NRXN1: variants seen among roughly 807,000 people sequenced by gnomAD.
NRXN1 encodes neurexin-1.
NRXN1 carries 39 observed loss-of-function variants against 150.9 expected under a neutral mutation model. The observed-to-expected ratio is 0.26, with a 90% CI of 0.20 to 0.34. The LOEUF is 0.34. NRXN1 is among the 10% of genes least tolerant of loss of function. The pLI is 1.00. For missense variants in NRXN1, 1,815 were observed against 1,949.9 expected, an observed-to-expected ratio of 0.93 and a Z score of 1.30; for synonymous variants, 924 against 757.0, an observed-to-expected ratio of 1.22 and a Z score of -3.62.
intron 8 of NRXN1, among the ~76,000 whole-genome samples, chr2:50,590,332 T>C (rs6733430): frequency 0.37 from 56,568 of 152,020 alleles, 10,900 homozygotes; most frequent in East Asian, 0.46. Flanking sequence ...CTGTTTGATG[T>C]AGCTCTATAC....
chr2:50,250,751 T>C (rs2066961542), intron 17 of NRXN1, among the ~76,000 whole-genome samples: 1 of 151,960 alleles, frequency 6.6e-6, no homozygotes, highest in Non-Finnish European at 1.5e-5. Context: ...ATAAATTGTG[T>C]CATTCTATCT....
At chr2:50,323,642 G>C (rs2076195263) in intron 17 of NRXN1, among the ~76,000 whole-genome samples, 1 of 151,554 alleles carries the variant, frequency 6.6e-6, no homozygotes, top group African/African-American at 2.4e-5. Context: ...TCAATACTCT[G>C]ACCTTACAAA....
At chr2:50,799,473 T>C (rs1415663931) in intron 5 of NRXN1, among the ~76,000 whole-genome samples, 1 of 152,160 alleles carries the variant, frequency 6.6e-6, no homozygotes, top group Non-Finnish European at 1.5e-5. Flanking sequence ...GGGGGATGTG[T>C]TCAGCACATA....
intron 12 of NRXN1, among the ~76,000 whole-genome samples, chr2:50,526,400 C>T (rs2092953424): frequency 6.6e-6 from 1 of 152,116 alleles, no homozygotes; most frequent in Non-Finnish European, 1.5e-5. Flanking sequence ...AATAAACGTA[C>T]ATTAATTTTC....
chr2:51,001,183 C>A (rs1264528525), intron 2 of NRXN1, among the ~76,000 whole-genome samples: 2 of 135,374 alleles, frequency 1.5e-5, no homozygotes, highest in Non-Finnish European at 3.0e-5. Context: ...ATCGAGTTTA[C>A]TGCCTCCATA....
Position 50,347,322 on chromosome 2 carries a change from G to A in NRXN1, c.3365-110352C>T. ...TGCGTGCCGGCGGGTGGGGGGCCGAGAAATTGTTTAAAGCTCCTCCTGGAA... is the reference window on the plus strand; with the variant it reads ...TGCGTGCCGGCGGGTGGGGGGCCGAAAAATTGTTTAAAGCTCCTCCTGGAA... On this transcript the variant is annotated intron_variant, in intron 17 of 22. Transcript: ENST00000401669. The surrounding 1 kb of genome is among the most constrained non-coding windows in gnomAD (Gnocchi z 4.9). The A allele has an allele frequency of 8.0e-7, 1 of 1,255,540 alleles. No individual in the cohort carries two copies. The highest frequency in any genetic ancestry group is 1.0e-6 in the Non-Finnish European group (1 of 974,152). 77.8% of individuals were successfully genotyped at this position (1,255,540 alleles called of 1,614,324 possible).
At chr2:50,532,390 C>A (rs904306962) in intron 10 of NRXN1, among the ~76,000 whole-genome samples, 63 of 151,448 alleles carry the variant, frequency 4.2e-4, no homozygotes, top group African/African-American at 1.5e-3. Flanking sequence ...ACTATAGGAA[C>A]TAGGCCAATA....
At chr2:50,625,575 C>T (rs551594621) in intron 5 of NRXN1, among the ~76,000 whole-genome samples, 1 of 152,146 alleles carries the variant, frequency 6.6e-6, no homozygotes, top group East Asian at 1.9e-4. Flanking sequence ...AAGTTATAGT[C>T]CAGGTGTCTG....
chr2:50,144,546 G>A (rs955858933), intron 18 of NRXN1, among the ~76,000 whole-genome samples: 1 of 151,684 alleles, frequency 6.6e-6, no homozygotes, highest in African/African-American at 2.4e-5. Context: ...TAATAGAGGG[G>A]GAAACTGGGC....
chr2:50,037,656 T>G (rs923015456), intron 21 of NRXN1, among the ~76,000 whole-genome samples: 8 of 152,214 alleles, frequency 5.3e-5, no homozygotes, highest in Non-Finnish European at 1.2e-4. Flanking sequence ...AATGCAATAA[T>G]GCAAAAGAAC....
chr2:50,527,649 A>G (rs2092991647), intron 12 of NRXN1, among the ~76,000 whole-genome samples: 1 of 152,124 alleles, frequency 6.6e-6, no homozygotes, highest in Non-Finnish European at 1.5e-5. Flanking sequence ...TATTAGGAAA[A>G]TAGTCTTGTT....
intron 18 of NRXN1, among the ~76,000 whole-genome samples, chr2:50,168,305 T>G (rs956574251): frequency 6.6e-6 from 1 of 152,184 alleles, no homozygotes; most frequent in Non-Finnish European, 1.5e-5. Context: ...TTAGCAATAA[T>G]TTACCTACAT....
intron 2 of NRXN1, among the ~76,000 whole-genome samples, chr2:51,011,178 T>A (rs984668808): frequency 2.0e-5 from 3 of 152,028 alleles, no homozygotes; most frequent in African/African-American, 7.2e-5. Context: ...TTTTATACAT[T>A]TACTAGCTAT....
chr2:50,028,905 A>T (rs1424809124), intron 21 of NRXN1, among the ~76,000 whole-genome samples: 1 of 152,204 alleles, frequency 6.6e-6, no homozygotes, highest in Non-Finnish European at 1.5e-5. Flanking sequence ...TATATAACCA[A>T]GGAAATGTGC....
At chr2:50,534,119 ACAC>A (rs2093192003) in intron 10 of NRXN1, among the ~76,000 whole-genome samples, 1 of 151,996 alleles carries the variant, frequency 6.6e-6, no homozygotes, top group Admixed American at 6.6e-5. Flanking sequence ...ACACACACAC[ACAC>A]ACACACATAC....
intron 8 of NRXN1, among the ~76,000 whole-genome samples, chr2:50,564,153 G>A (rs1206893036): frequency 2.0e-5 from 3 of 152,144 alleles, no homozygotes; most frequent in African/African-American, 7.2e-5. Flanking sequence ...TGGCCAAGTT[G>A]CTTATTCTTA....
At chr2:50,943,512 C>A (rs1477190590) in intron 2 of NRXN1, among the ~76,000 whole-genome samples, 1 of 152,106 alleles carries the variant, frequency 6.6e-6, no homozygotes, top group Non-Finnish European at 1.5e-5. Context: ...TCTAATAGCA[C>A]CTTCTATAAT....
intron 5 of NRXN1, among the ~76,000 whole-genome samples, chr2:50,628,652 T>A (rs967374511): frequency 1.3e-5 from 2 of 151,746 alleles, no homozygotes; most frequent in Non-Finnish European, 3.0e-5. Flanking sequence ...GCTGAACACT[T>A]AAAGAATAAG....
intron 18 of NRXN1, among the ~76,000 whole-genome samples, chr2:50,205,100 T>C (rs2152837572): frequency 6.6e-6 from 1 of 152,160 alleles, no homozygotes; most frequent in South Asian, 2.1e-4. Flanking sequence ...AGCATCTTAG[T>C]AGAGTCACAC....
Sources: gnomAD v4.1 joint callset for allele counts (sites outside exome capture counted in the v4.1 genomes callset) on GRCh38, gnomAD v4.1.1 for gene constraint, Gnocchi (gnomAD v3.1) non-coding constraint, MANE v1.5 for transcripts, NCBI Gene and HGNC (gene_info 2026-07-23, HGNC 2026-07-21) for gene names.